Variants in CXCL13 observed in about 807,000 individuals in gnomAD.
CXCL13 encodes C-X-C motif chemokine 13.
Under a neutral mutation model 12.2 loss-of-function variants are expected in CXCL13, and 7 were observed. The observed-to-expected ratio is 0.57, with a 90% CI of 0.33 to 1.07. The LOEUF (loss-of-function observed/expected upper bound fraction) is 1.07, where lower values mean the gene tolerates loss of function less well. CXCL13 is among the 50% of genes least tolerant of loss of function. CXCL13 has a pLI of 0.04. For missense variants in CXCL13, 113 were observed against 127.4 expected (o/e 0.89, Z 0.55); for synonymous variants, 47 against 42.4 (o/e 1.11, Z -0.42).
chr4:77,542,021 G>T (rs1171932465), intron 1 of CXCL13, among the ~76,000 whole-genome samples: 1 of 152,050 alleles, frequency 6.6e-6, no homozygotes, highest in Non-Finnish European at 1.5e-5. Context: ...AATACTATTT[G>T]TGTATAGAAA....
At chr4:77,570,145 A>G (rs1320614348) in intron 1 of CXCL13, among the ~76,000 whole-genome samples, 1 of 152,236 alleles carries the variant, frequency 6.6e-6, no homozygotes, top group East Asian at 1.9e-4. Context: ...TAAAGACTTC[A>G]ATGTAAAACT....
chr4:77,512,711 T>A (rs538908053), intron 1 of CXCL13, among the ~76,000 whole-genome samples: 170 of 152,290 alleles, frequency 1.1e-3, no homozygotes, highest in Non-Finnish European at 2.1e-3. Flanking sequence ...AGGTTAGGAC[T>A]TGAACAGATG....
intron 1 of CXCL13, among the ~76,000 whole-genome samples, chr4:77,554,102 C>T (rs1454888525): frequency 6.6e-6 from 1 of 152,056 alleles, no homozygotes; most frequent in Non-Finnish European, 1.5e-5. Context: ...AAGAAACCAA[C>T]CAGAACAGTT....
upstream of CXCL13, among the ~76,000 whole-genome samples, chr4:77,602,965 G>A (rs1726912157): frequency 6.6e-6 from 1 of 152,150 alleles, no homozygotes; most frequent in Non-Finnish European, 1.5e-5. Flanking sequence ...GGCTTCTTTG[G>A]TCTAAATAAG....
At chr4:77,552,155 T>A (rs1325986715) in intron 1 of CXCL13, among the ~76,000 whole-genome samples, 3 of 152,204 alleles carry the variant, frequency 2.0e-5, no homozygotes, top group Non-Finnish European at 4.4e-5. Context: ...ACATTCAGAT[T>A]TTTCATTGTG....
At chr4:77,514,772 T>A (rs1246287933) in intron 1 of CXCL13, among the ~76,000 whole-genome samples, 1 of 152,230 alleles carries the variant, frequency 6.6e-6, no homozygotes, top group Non-Finnish European at 1.5e-5. Flanking sequence ...TTCACTCTGA[T>A]GGTAGTTTCT....
intron 1 of CXCL13, among the ~76,000 whole-genome samples, chr4:77,526,150 T>C (rs189274556): frequency 6.6e-6 from 1 of 152,104 alleles, no homozygotes; most frequent in East Asian, 1.9e-4. Context: ...AGTTGGTATA[T>C]CTTTGGATCA....
At chr4:77,559,707 G>T (rs1206524288) in intron 1 of CXCL13, among the ~76,000 whole-genome samples, 2 of 152,016 alleles carry the variant, frequency 1.3e-5, no homozygotes, top group Non-Finnish European at 2.9e-5. Context: ...CAGATCACGA[G>T]GTCAGGAGAT....
intron 1 of CXCL13, among the ~76,000 whole-genome samples, chr4:77,547,621 G>A (rs935096181): frequency 2.0e-5 from 3 of 151,904 alleles, no homozygotes; most frequent in Non-Finnish European, 4.4e-5. Context: ...TTGAGCTTAT[G>A]TGTGTCTGTG....
At chr4:77,533,365 A>G (rs796756399) in intron 1 of CXCL13, among the ~76,000 whole-genome samples, 8 of 152,342 alleles carry the variant, frequency 5.3e-5, no homozygotes, top group African/African-American at 1.9e-4. Context: ...GGTGAACAGC[A>G]GATGTTGCTG....
rs368496666 is a variant in CXCL13, at chr4:77,608,071, A to C, written c.197+236A>C. Among the ~76,000 whole-genome samples the C allele has an allele frequency of 2.0e-5, 3 of 152,306 alleles. No individual in the cohort carries two copies. In the East Asian group the frequency reaches 5.8e-4, roughly 29 times the overall value. On this transcript the variant is annotated intron_variant, in intron 2 of 3. Transcript: ENST00000682537. Reference sequence around the variant, plus strand: ...TTTATTCAACCACTTTATTAAGGTAAGTCTATTGTTCCTTACAGTCTGAGG... The same window carrying C: ...TTTATTCAACCACTTTATTAAGGTACGTCTATTGTTCCTTACAGTCTGAGG...
At position 77,528,283 on chromosome 4, in the gene CXCL13, G is replaced by A. The variant is rs534549625; in HGVS notation, c.-43+16495G>A. On this transcript the variant is annotated intron_variant, in intron 1 of 4. Transcript: ENST00000286758. ...TAGCAGCATGATTTATAACCCTTGGGTATATATCCAGTAATGGGATTGCTG... is the reference window on the plus strand; with the variant it reads ...TAGCAGCATGATTTATAACCCTTGGATATATATCCAGTAATGGGATTGCTG... Among the ~76,000 whole-genome samples, 201 of 152,276 alleles carry A rather than the reference G, an allele frequency of 1.3e-3. 2 individuals carry two copies. The highest frequency in any genetic ancestry group is 8.9e-3 in the South Asian group (43 of 4,826).
chr4:77,596,482 C>A (rs1366896037), intron 1 of CXCL13, among the ~76,000 whole-genome samples: 1 of 152,064 alleles, frequency 6.6e-6, no homozygotes, highest in African/African-American at 2.4e-5. Flanking sequence ...TACACCCAAA[C>A]AAAATGAAAT....
At chr4:77,580,625 G>A (rs978618052) in intron 1 of CXCL13, among the ~76,000 whole-genome samples, 16 of 151,634 alleles carry the variant, frequency 1.1e-4, no homozygotes, top group South Asian at 8.4e-4. Flanking sequence ...ATGCCCAGCC[G>A]GGCTCTTATA....
At chr4:77,520,636 A>G (rs559664397) in intron 1 of CXCL13, among the ~76,000 whole-genome samples, 1 of 152,188 alleles carries the variant, frequency 6.6e-6, no homozygotes, top group Non-Finnish European at 1.5e-5. Context: ...GGGGTTTTCT[A>G]AATATACAAT....
At chr4:77,522,578 C>G (rs1241793898) in intron 1 of CXCL13, among the ~76,000 whole-genome samples, 2 of 114,130 alleles carry the variant, frequency 1.8e-5, no homozygotes, top group East Asian at 3.0e-4. Context: ...TTCCTCCAAT[C>G]CTTTATTTTT....
At chr4:77,563,789 T>A (rs1725867229) in intron 1 of CXCL13, among the ~76,000 whole-genome samples, 1 of 152,214 alleles carries the variant, frequency 6.6e-6, no homozygotes, top group African/African-American at 2.4e-5. Flanking sequence ...TTAGAATATA[T>A]TGTCTTTTTT....
intron 1 of CXCL13, among the ~76,000 whole-genome samples, chr4:77,552,871 G>A (rs1161735555): frequency 1.3e-5 from 2 of 152,226 alleles, no homozygotes; most frequent in Non-Finnish European, 2.9e-5. Flanking sequence ...CAGGAAGCAT[G>A]AGGTGGCTGA....
intron 1 of CXCL13, among the ~76,000 whole-genome samples, chr4:77,587,445 C>G (rs1229337538): frequency 6.6e-6 from 1 of 152,098 alleles, no homozygotes; most frequent in Non-Finnish European, 1.5e-5. Flanking sequence ...GAGACACGTG[C>G]AAAAATAAAC....
Sources: allele counts gnomAD v4.1 joint callset (sites outside exome capture counted in the v4.1 genomes callset), GRCh38; gene constraint gnomAD v4.1.1; transcripts MANE v1.5; gene names NCBI Gene and HGNC (gene_info 2026-07-23, HGNC 2026-07-21).